The following OR9Q1 variants were observed in gnomAD, a reference collection of about 807,000 sequenced individuals.
OR9Q1 encodes olfactory receptor family 9 subfamily Q member 1.
For synonymous variants in OR9Q1, 153 were observed against 148.6 expected, an observed-to-expected ratio of 1.03 and a Z score of -0.22; for missense variants, 374 against 378.8, an observed-to-expected ratio of 0.99 and a Z score of 0.11.
intron 2 of OR9Q1, among the ~76,000 whole-genome samples, chr11:58,093,192 T>C (rs930276584): frequency 1.3e-5 from 2 of 152,152 alleles, no homozygotes; most frequent in African/African-American, 4.8e-5. Context: ...GATTTCATAA[T>C]TCAATAAAAA....
intron 2 of OR9Q1, among the ~76,000 whole-genome samples, chr11:58,067,108 T>C (rs945530300): frequency 5.3e-5 from 8 of 151,676 alleles, no homozygotes; most frequent in African/African-American, 1.9e-4. Flanking sequence ...CCAAGCTCAC[T>C]GCAAGTTCCA....
rs77439490 is a variant in OR9Q1 at position 58,110,380 on chromosome 11, C to T, written c.-15+54433C>T. 2.8e-3 allele frequency among the ~76,000 whole-genome samples: 420 copies of T among 152,256 alleles called. 1 individual carries two copies. The highest frequency in any genetic ancestry group is 9.3e-3 in the African/African-American group (387 of 41,550). On this transcript the variant is annotated intron_variant, in intron 2 of 2. Transcript: ENST00000335397. ...AGCACTTTCGTAATCTATTTTTGCT[C>T]TCCTATGAACTATGTCATCACCTGC... is the stretch of plus-strand genomic sequence containing the variant.
chr11:58,073,841 C>A (rs535062581), intron 2 of OR9Q1, among the ~76,000 whole-genome samples: 2 of 152,264 alleles, frequency 1.3e-5, no homozygotes, highest in South Asian at 2.1e-4. Flanking sequence ...TGTGATGTTT[C>A]CCTCCCTGTG....
At chr11:58,101,800 G>A (rs1352789108) in intron 2 of OR9Q1, among the ~76,000 whole-genome samples, 1 of 152,112 alleles carries the variant, frequency 6.6e-6, no homozygotes, top group African/African-American at 2.4e-5. Flanking sequence ...AGGCTGGAGT[G>A]CAATGGCACA....
intron 2 of OR9Q1, among the ~76,000 whole-genome samples, chr11:58,148,738 A>T (rs73482630): frequency 0.032 from 4,796 of 152,246 alleles, 244 homozygotes; most frequent in African/African-American, 0.11. Context: ...TCAAACCTCA[A>T]ACTAAATTTT....
chr11:58,107,776 G>A (rs908893674), intron 2 of OR9Q1, among the ~76,000 whole-genome samples: 2 of 152,114 alleles, frequency 1.3e-5, no homozygotes, highest in Non-Finnish European at 2.9e-5. Flanking sequence ...TTTCATAAAT[G>A]TATAGTAGTT....
chr11:58,113,360 A>G (rs1853920388), intron 2 of OR9Q1, among the ~76,000 whole-genome samples: 1 of 152,156 alleles, frequency 6.6e-6, no homozygotes. Flanking sequence ...GTGCCTCAGG[A>G]AAGGCAACAG....
At chr11:58,106,159 C>T (rs1172287482) in intron 2 of OR9Q1, among the ~76,000 whole-genome samples, 1 of 144,444 alleles carries the variant, frequency 6.9e-6, no homozygotes, top group African/African-American at 2.6e-5. Flanking sequence ...CATTTGCTAT[C>T]TTTTTTTTTT....
chr11:58,059,635 TC>T (rs1853360339), intron 2 of OR9Q1, among the ~76,000 whole-genome samples: 1 of 119,350 alleles, frequency 8.4e-6, no homozygotes, highest in African/African-American at 3.2e-5. Context: ...TTGCAGTGAG[TC>T]AAGATTGCAC....
rs1769314351 is a variant in OR9Q1 at position 58,119,936 on chromosome 11, CTTCTTCTTAT to C, written c.-14-59494_-14-59485del. ...CTTCTAGATACAGCAATTTTAATCA[CTTCTTCTTAT>C]GAAAGCCTTTCACAAGTTGGAACTG... is the stretch of plus-strand genomic sequence containing the variant. On this transcript the variant is annotated intron_variant, in intron 2 of 2. Transcript: ENST00000335397. Among the ~76,000 whole-genome samples the C allele has an allele frequency of 2.6e-5, 4 of 152,276 alleles. No homozygotes were observed. In the Middle Eastern group the frequency reaches 0.01, roughly 388 times the overall value.
At chr11:58,132,469 T>C (rs1452248065) in intron 2 of OR9Q1, among the ~76,000 whole-genome samples, 2 of 152,296 alleles carry the variant, frequency 1.3e-5, no homozygotes, top group African/African-American at 2.4e-5. Flanking sequence ...TATAGGATTG[T>C]TGTAAAGACT....
At chr11:58,156,781 A>G (rs1260642541) in intron 2 of OR9Q1, among the ~76,000 whole-genome samples, 1 of 152,086 alleles carries the variant, frequency 6.6e-6, no homozygotes, top group Non-Finnish European at 1.5e-5. Context: ...CACTTTGTAT[A>G]TCTATCCATA....
At chr11:58,030,625 C>T (rs1192326198) in intron 1 of OR9Q1, among the ~76,000 whole-genome samples, 2 of 152,184 alleles carry the variant, frequency 1.3e-5, no homozygotes, top group Non-Finnish European at 2.9e-5. Context: ...CCTTTTGTCT[C>T]ACTAACTTAT....
chr11:58,029,299 C>G (rs1251755327), intron 1 of OR9Q1, among the ~76,000 whole-genome samples: 1 of 152,160 alleles, frequency 6.6e-6, no homozygotes, highest in African/African-American at 2.4e-5. Context: ...CTTAGTTCCT[C>G]TCCACCTAGG....
chr11:58,155,832 G>T (rs902782050), intron 2 of OR9Q1, among the ~76,000 whole-genome samples: 7 of 151,720 alleles, frequency 4.6e-5, no homozygotes, highest in African/African-American at 7.3e-5. Flanking sequence ...CTTTTTTTTT[G>T]ATTAAAGCAG....
chr11:58,075,493 A>C (rs1391800759), intron 2 of OR9Q1: 1 of 152,254 alleles, frequency 6.6e-6, no homozygotes, highest in African/African-American at 2.4e-5. Flanking sequence ...TGGTGTTAGG[A>C]GGTGGAAATT....
chr11:58,086,519 G>A (rs1038255265), intron 2 of OR9Q1, among the ~76,000 whole-genome samples: 6 of 151,080 alleles, frequency 4.0e-5, no homozygotes, highest in Non-Finnish European at 7.4e-5. Flanking sequence ...TATAACCAAA[G>A]GAATTGAAAT....
rs1339806460 is a variant in OR9Q1 at position 58,095,877 on chromosome 11, C to T, written c.-15+39930C>T. Among the ~76,000 whole-genome samples, 7 of 152,178 alleles carry T rather than the reference C, an allele frequency of 4.6e-5. No homozygotes were observed. The South Asian group carries it at 6.2e-4, about 14-fold the overall frequency. ...AGATATGATTGATTTGTCATTTAGA[C>T]TTAAATACGCATCAAAGTGACAACT... On this transcript the variant is annotated intron_variant, in intron 2 of 2. Transcript: ENST00000335397.
At chr11:58,118,337 G>A (rs1176678160) in intron 2 of OR9Q1, 3 of 574,764 alleles carry the variant, frequency 5.2e-6, no homozygotes, top group Non-Finnish European at 9.2e-6. Flanking sequence ...GGAATTGCTG[G>A]AAACTAATTT....
Sources: gnomAD v4.1 joint callset for allele counts (sites outside exome capture counted in the v4.1 genomes callset) on GRCh38, gnomAD v4.1.1 for gene constraint, MANE v1.5 for transcripts, NCBI Gene and HGNC (gene_info 2026-07-23, HGNC 2026-07-21) for gene names.